Variants in LCP1 observed in about 807,000 individuals in gnomAD.
LCP1 encodes the protein lymphocyte cytosolic protein 1, also known as plastin-2.
A neutral mutation model predicts 72.0 loss-of-function variants in LCP1; 23 were observed. The ratio of observed to expected loss-of-function variants is 0.32; its 90% CI spans 0.23 to 0.45. The LOEUF (loss-of-function observed/expected upper bound fraction) is 0.45, where lower values mean the gene tolerates loss of function less well. Among genes scored for constraint, LCP1 ranks in the 20% least tolerant of loss-of-function variants. The pLI, the probability that LCP1 is intolerant of heterozygous loss-of-function variation, is 1.00. For missense variants in LCP1, 571 were observed against 748.3 expected, an observed-to-expected ratio of 0.76 and a Z score of 2.76; for synonymous variants, 245 against 275.4, an observed-to-expected ratio of 0.89 and a Z score of 1.09.
At chr13:46,141,661 T>C (rs917691122) in intron 13 of LCP1, among the ~76,000 whole-genome samples, 1 of 151,944 alleles carries the variant, frequency 6.6e-6, no homozygotes. Flanking sequence ...GAAAATGAAA[T>C]AGACATTTTC....
chr13:46,152,133 TACTC>T (rs1415097983), intron 7 of LCP1, among the ~76,000 whole-genome samples: 2 of 152,242 alleles, frequency 1.3e-5, no homozygotes, highest in Non-Finnish European at 2.9e-5. Flanking sequence ...CAAATTAACA[TACTC>T]ACATCTCATA....
chr13:46,128,863 G>A (rs1016436527), intron 15 of LCP1, among the ~76,000 whole-genome samples: 1 of 98,510 alleles, frequency 1.0e-5, no homozygotes, highest in Non-Finnish European at 2.3e-5. Flanking sequence ...TATTCACCTC[G>A]TTTATTATCT....
chr13:46,177,407 C>T (rs1022756499), intron 1 of LCP1, among the ~76,000 whole-genome samples: 9 of 151,846 alleles, frequency 5.9e-5, no homozygotes, highest in Admixed American at 2.0e-4. Context: ...TTTGGGAGGC[C>T]GAGGCAGGCA....
chr13:46,135,715 T>C (rs1346893297), intron 13 of LCP1, among the ~76,000 whole-genome samples: 1 of 151,650 alleles, frequency 6.6e-6, no homozygotes, highest in East Asian at 1.9e-4. Context: ...TCACAGAATT[T>C]CCTTTCTGAA....
Position 46,158,507 on chromosome 13 carries a change from A to G in LCP1, c.358+15T>C, listed in dbSNP as rs756239497. On this transcript the variant is annotated intron_variant, in intron 4 of 15. Coordinates refer to ENST00000323076, the MANE Select transcript of LCP1 (RefSeq NM_002298.5). ...TAATCCTGAAATCCTGCTCCAACCC[A>G]GGAGTTGAGCCTACCTGAATAGGAG... The G allele has an allele frequency of 8.1e-6, 13 of 1,611,294 alleles. No individual in the cohort carries two copies. In the South Asian group the frequency reaches 1.3e-4, roughly 16 times the overall value.
At chr13:46,161,560 CCTT>C (rs1360796063) in intron 1 of LCP1, among the ~76,000 whole-genome samples, 1 of 152,108 alleles carries the variant, frequency 6.6e-6, no homozygotes, top group Admixed American at 6.5e-5. Context: ...TCCCTCTCGT[CCTT>C]TTTTCTTTCC....
At chr13:46,181,926 T>C (rs1230285388) in intron 1 of LCP1, among the ~76,000 whole-genome samples, 185 bp downstream of exon 1, 1 of 152,114 alleles carries the variant, frequency 6.6e-6, no homozygotes, top group African/African-American at 2.4e-5. Context: ...GTGCTCCATC[T>C]TGGATGGCCA....
chr13:46,157,045 T>C (rs552708716), intron 4 of LCP1, among the ~76,000 whole-genome samples: 63 of 151,838 alleles, frequency 4.1e-4, no homozygotes, highest in South Asian at 8.3e-4. Flanking sequence ...TGGTCTCGAT[T>C]TCCTGACCTC....
chr13:46,146,618 C>A (rs1593950214), intron 10 of LCP1, among the ~76,000 whole-genome samples: 1 of 152,156 alleles, frequency 6.6e-6, no homozygotes, highest in Admixed American at 6.5e-5. Flanking sequence ...CTTTTTGAAA[C>A]TCAGGATTTA....
intron 1 of LCP1, among the ~76,000 whole-genome samples, chr13:46,165,227 A>G (rs1209433676): frequency 6.6e-6 from 1 of 151,980 alleles, no homozygotes; most frequent in African/African-American, 2.4e-5. Context: ...TACAAAAATT[A>G]TCTAGGTGTG....
chr13:46,154,758 T>C (rs2045790135), intron 6 of LCP1, 47 bp downstream of exon 6: 3 of 1,512,318 alleles, frequency 2.0e-6, no homozygotes, highest in South Asian at 1.1e-5. Context: ...ATGATGCTCA[T>C]TGATGCCAAA....
chr13:46,177,508 TG>T (rs1221262750), intron 1 of LCP1, among the ~76,000 whole-genome samples: 3 of 151,716 alleles, frequency 2.0e-5, no homozygotes, highest in Admixed American at 2.0e-4. Flanking sequence ...GGCGTGGTGG[TG>T]GGCGCCTGTA....
At chr13:46,163,230 A>T (rs2045855597) in intron 1 of LCP1, among the ~76,000 whole-genome samples, 1 of 152,220 alleles carries the variant, frequency 6.6e-6, no homozygotes, top group Non-Finnish European at 1.5e-5. Context: ...GAGAAATCAG[A>T]TTGTTGCTGT....
At chr13:46,161,094 T>TA (rs1449513343) in intron 1 of LCP1, among the ~76,000 whole-genome samples, 1 of 152,130 alleles carries the variant, frequency 6.6e-6, no homozygotes, top group Non-Finnish European at 1.5e-5. Context: ...GCCACATACA[T>TA]ATATCAGTGG....
intron 1 of LCP1, among the ~76,000 whole-genome samples, chr13:46,174,834 C>CAAA (rs398056355): frequency 0.038 from 3,088 of 82,190 alleles, 131 homozygotes; most frequent in African/African-American, 0.12. Flanking sequence ...ACTCCATCTT[C>CAAA]AAAAAAAAAA....
intron 1 of LCP1, among the ~76,000 whole-genome samples, chr13:46,179,922 C>T (rs1447497836): frequency 6.6e-6 from 1 of 152,142 alleles, no homozygotes; most frequent in Non-Finnish European, 1.5e-5. Context: ...AATGGTATCT[C>T]TTATTTATAA....
At position 46,144,530 on chromosome 13, in the gene LCP1, T is replaced by G; in HGVS notation, c.1175-10A>C. On this transcript the variant is annotated splice_polypyrimidine_tract_variant and intron_variant, in intron 10 of 15. Transcript: ENST00000323076. ...TCTTCTCTCGTCTCACCTAGATGAA[T>G]GAAGATGGGTTATCTTTTGGGACCG... 6.2e-7 allele frequency: 1 copy of G among 1,602,952 alleles called. No homozygotes were observed. Among genetic ancestry groups the G allele is most frequent in the South Asian group, 1.1e-5 (1 of 90,872 alleles).
intron 8 of LCP1, chr13:46,148,761 T>C: frequency 1.2e-6 from 1 of 818,728 alleles, no homozygotes; most frequent in Non-Finnish European, 1.5e-6. Context: ...TTAAATTGTA[T>C]ACAGGAAAAT....
At chr13:46,176,259 C>T (rs2045929841) in intron 1 of LCP1, among the ~76,000 whole-genome samples, 2 of 152,162 alleles carry the variant, frequency 1.3e-5, no homozygotes, top group South Asian at 4.1e-4. Context: ...ATGCTGATTA[C>T]CCTGATCTCA....
Sources: allele counts gnomAD v4.1 joint callset (sites outside exome capture counted in the v4.1 genomes callset), GRCh38; gene constraint gnomAD v4.1.1; transcripts MANE v1.5; gene names NCBI Gene and HGNC (gene_info 2026-07-23, HGNC 2026-07-21).